The following USP8 variants were observed in gnomAD, a reference collection of about 807,000 sequenced individuals.
The protein encoded by USP8 is ubiquitin specific peptidase 8.
In USP8, 27 loss-of-function variants were observed where a neutral mutation model predicts 130.0. The ratio of observed to expected loss-of-function variants is 0.21; its 90% CI spans 0.15 to 0.29. USP8 has a LOEUF of 0.29. Ranked by LOEUF, USP8 falls within the 10% of genes least tolerant of loss-of-function variation. USP8 has a pLI of 1.00. For synonymous variants in USP8, 392 were observed against 444.1 expected (o/e 0.88, Z 1.48); for missense variants, 1,029 against 1,312.2 (o/e 0.78, Z 3.33).
At chr15:50,430,020 T>A (rs1461431764) in intron 1 of USP8, among the ~76,000 whole-genome samples, 1 of 152,248 alleles carries the variant, frequency 6.6e-6, no homozygotes, top group South Asian at 2.1e-4. Flanking sequence ...TGGCCTGGTT[T>A]GCTAAGTGCC....
At chr15:50,495,311 TATAC>T (rs2052346409) in intron 16 of USP8, among the ~76,000 whole-genome samples, 1 of 10,954 alleles carries the variant, frequency 9.1e-5, no homozygotes, top group Non-Finnish European at 1.8e-4. Context: ...TACGTGTATA[TATAC>T]ATACATATAT....
At chr15:50,484,249 C>A (rs1197924837) in intron 11 of USP8, 26 bp from the exon 12 acceptor site, 1 of 1,568,700 alleles carries the variant, frequency 6.4e-7, no homozygotes. Context: ...TTTTCTTTCA[C>A]TTCTGTAATT....
At chr15:50,493,280 G>T (rs1031625895) in intron 15 of USP8, 26 of 513,984 alleles carry the variant, frequency 5.1e-5, no homozygotes, top group African/African-American at 9.6e-5. Context: ...CCTGAATTTT[G>T]GAATATTTGA....
intron 17 of USP8, 99 bp from the exon 18 acceptor site, chr15:50,496,990 A>C: frequency 7.0e-7 from 1 of 1,438,788 alleles, no homozygotes; most frequent in Non-Finnish European, 9.3e-7. Flanking sequence ...ATTGCTGTTG[A>C]ATCACTGGTG....
At chr15:50,474,977 C>T (rs918770747) in intron 8 of USP8, among the ~76,000 whole-genome samples, 5 of 152,086 alleles carry the variant, frequency 3.3e-5, no homozygotes, top group African/African-American at 4.8e-5. Context: ...GGCATGATGG[C>T]GGGCGCCTGT....
At chr15:50,483,451 T>C (rs2051844223) in intron 11 of USP8, among the ~76,000 whole-genome samples, 1 of 152,236 alleles carries the variant, frequency 6.6e-6, no homozygotes, top group African/African-American at 2.4e-5. Context: ...TTAAAAAGTT[T>C]TTAGTAGAGT....
chr15:50,463,057 A>AG (rs1210115578), intron 6 of USP8, among the ~76,000 whole-genome samples: 4 of 152,030 alleles, frequency 2.6e-5, no homozygotes, highest in African/African-American at 9.7e-5. Context: ...AGACCAGCCT[A>AG]GGTAACATGG....
intron 15 of USP8, chr15:50,493,848 T>G (rs2052271163): frequency 2.9e-6 from 2 of 683,482 alleles, no homozygotes; most frequent in East Asian, 2.8e-5. Context: ...CTGTTGATGA[T>G]GAGGAGACCA....
chr15:50,496,371 C>G (rs1427674867), intron 17 of USP8, among the ~76,000 whole-genome samples: 2 of 151,472 alleles, frequency 1.3e-5, no homozygotes, highest in East Asian at 3.9e-4. Flanking sequence ...GTCCCCGCTA[C>G]TCAGGAGGCT....
chr15:50,490,580 T>C, intron 14 of USP8, 55 bp downstream of exon 14: 1 of 1,572,722 alleles, frequency 6.4e-7, no homozygotes. Context: ...TCAAAGTTTC[T>C]ACTCTGAATC....
chr15:50,459,334 A>G (rs773409467), intron 5 of USP8, among the ~76,000 whole-genome samples, 172 bp downstream of exon 5: 1 of 152,244 alleles, frequency 6.6e-6, no homozygotes, highest in Non-Finnish European at 1.5e-5. Context: ...CTGTAATCCC[A>G]GCACTTTGGG....
In USP8 at chr15:50,502,370, G is replaced by A. The variant is rs2052603249; in HGVS notation, c.*3282G>A. 6.8e-6 allele frequency: 1 copy of A among 147,880 alleles called. No homozygotes were observed. Among genetic ancestry groups the A allele is most frequent in the African/African-American group, 2.5e-5 (1 of 39,966 alleles). The allele number at this position is 147,880 out of a possible 1,614,324, so 9.2% of individuals were successfully genotyped here. Reference sequence around the variant, plus strand: ...GATCCTCCCACTTCGGCCTCCCAAAGTTATTTATTTTTATTTGAGACAGAG... The same window carrying A: ...GATCCTCCCACTTCGGCCTCCCAAAATTATTTATTTTTATTTGAGACAGAG... On this transcript the variant is annotated 3_prime_UTR_variant, in exon 20 of 20. Transcript: ENST00000307179.
At chr15:50,440,260 T>A (rs2050212522) in intron 2 of USP8, among the ~76,000 whole-genome samples, 1 of 152,232 alleles carries the variant, frequency 6.6e-6, no homozygotes, top group South Asian at 2.1e-4. Flanking sequence ...AGGTCAGGCC[T>A]AAGACCGTTT....
chr15:50,491,231 AT>A lies in USP8; in HGVS notation c.2234+713del, dbSNP rs2052149240. Among the ~76,000 whole-genome samples, 5 of 152,092 alleles carry A rather than the reference AT, an allele frequency of 3.3e-5. No homozygotes were observed. The South Asian group carries it at 1.0e-3, about 32-fold the overall frequency. On this transcript the variant is annotated intron_variant, in intron 14 of 19. Transcript: ENST00000307179. Reference sequence around the variant, plus strand: ...CAATAGGTGGAAGTATAAATAAATGATTTTTTTCCCATTTATTATACACTTG... The same window carrying A: ...CAATAGGTGGAAGTATAAATAAATGATTTTTTCCCATTTATTATACACTTG...
rs1239867294 is a variant in USP8, at chr15:50,505,192, A to G, written c.*6104A>G. On this transcript the variant is annotated 3_prime_UTR_variant, in exon 20 of 20. Coordinates refer to ENST00000307179, the MANE Select transcript of USP8 (RefSeq NM_005154.5). The stretch of plus-strand genomic sequence containing the variant: ...GCTGAAAATGATTAATGAGACATGA[A>G]TCTTCACATTTAGGAAATGCAGCGA... 2.6e-5 allele frequency: 4 copies of G among 152,158 alleles called. No individual in the cohort carries two copies. The highest frequency in any genetic ancestry group is 4.4e-5 in the Non-Finnish European group (3 of 68,038). The allele number at this position is 152,158 out of a possible 1,614,324, so 9.4% of individuals were successfully genotyped here. A position where few individuals can be genotyped will look rare whatever the true frequency, so the allele number is the denominator to read the frequency against.
At chr15:50,466,519 C>T (rs1444228774) in intron 7 of USP8, among the ~76,000 whole-genome samples, 1 of 150,840 alleles carries the variant, frequency 6.6e-6, no homozygotes, top group East Asian at 2.0e-4. Flanking sequence ...GGCATGAACC[C>T]GGGAGGCGGA....
chr15:50,493,896 T>C (rs996093162), intron 15 of USP8, 174 bp from the exon 16 acceptor site: 2 of 822,500 alleles, frequency 2.4e-6, no homozygotes, highest in African/African-American at 3.3e-5. Context: ...GCTGAAGGGA[T>C]GTAAGCAAGT....
intron 10 of USP8, 54 bp downstream of exon 10, chr15:50,477,553 A>G: frequency 6.6e-7 from 1 of 1,504,302 alleles, no homozygotes; most frequent in Non-Finnish European, 9.1e-7. Flanking sequence ...TTAAATATAT[A>G]GTATAGCTGG....
chr15:50,440,847 A>AC (rs150918149), intron 2 of USP8, among the ~76,000 whole-genome samples: 22,280 of 151,926 alleles, frequency 0.15, 2,052 homozygotes, highest in Middle Eastern at 0.28. Flanking sequence ...TACTAAAACT[A>AC]AAAAATTAGC....
Sources: gnomAD v4.1 joint callset for allele counts (sites outside exome capture counted in the v4.1 genomes callset) on GRCh38, gnomAD v4.1.1 for gene constraint, MANE v1.5 for transcripts, NCBI Gene and HGNC (gene_info 2026-07-23, HGNC 2026-07-21) for gene names.